Variants in EML1 observed in about 807,000 individuals in gnomAD.
EML1 encodes echinoderm microtubule-associated protein-like 1.
In EML1, 27 loss-of-function variants were observed where a neutral mutation model predicts 110.4. The ratio of observed to expected loss-of-function variants is 0.24; its 90% confidence interval spans 0.18 to 0.34. The LOEUF (loss-of-function observed/expected upper bound fraction) is 0.34, where lower values mean the gene tolerates loss of function less well. Ranked by LOEUF, EML1 falls within the 10% of genes least tolerant of loss-of-function variation. EML1 has a pLI of 1.00. For missense variants in EML1, 741 were observed against 1,030.9 expected (o/e 0.72, Z 3.85); for synonymous variants, 344 against 385.8 (o/e 0.89, Z 1.27).
intron 1 of EML1, chr14:99,838,941 G>A (rs866116851): frequency 3.3e-5 from 5 of 151,824 alleles, no homozygotes; most frequent in African/African-American, 7.2e-5. Context: ...GCGCGCGCGC[G>A]TGCATGTTTG....
rs536030370 is a variant in EML1, at chr14:99,911,510, G to A, written c.1428G>A (p.Ser476=). The A allele has an allele frequency of 1.2e-5, 20 of 1,612,722 alleles. No homozygotes were observed. Among genetic ancestry groups the A allele is most frequent in the South Asian group, 6.6e-5 (6 of 90,654 alleles). The change falls in exon 13 of 22, where the codon TCG becomes TCA. Residue 476 remains serine (S), a synonymous_variant. Coordinates refer to ENST00000262233, the MANE Select transcript of EML1 (RefSeq NM_004434.3). ...TGTTAAGAGATGGCACACTGGTGTC[G>A]GGAGGTGGGAAAGACCGAAAGCTCA... ...LCMLRDGTLV[S]GGGKDRKLIS...
chr14:99,876,577 C>T (rs985905169), intron 3 of EML1, among the ~76,000 whole-genome samples: 8 of 152,198 alleles, frequency 5.3e-5, no homozygotes, highest in South Asian at 2.1e-4. Context: ...CCTCCTCCCT[C>T]GGTGATTTCC....
chr14:99,849,667 C>T (rs571751071), intron 1 of EML1, among the ~76,000 whole-genome samples: 2 of 151,656 alleles, frequency 1.3e-5, no homozygotes, highest in African/African-American at 4.8e-5. Context: ...CCCACCTGAG[C>T]CTCCCAAGTA....
chr14:99,878,463 G>A, intron 3 of EML1, 22 bp from the exon 4 acceptor site: 2 of 1,596,836 alleles, frequency 1.3e-6, no homozygotes, highest in Non-Finnish European at 1.7e-6. Context: ...GGAGTTCACT[G>A]TCACTTCCAT....
chr14:99,769,038 C>G (rs2057395905), upstream of EML1, among the ~76,000 whole-genome samples: 1 of 152,042 alleles, frequency 6.6e-6, no homozygotes, highest in Non-Finnish European at 1.5e-5. Flanking sequence ...TTATTTTTGA[C>G]AGCAGTTTGG....
At chr14:99,758,880 G>A (rs982940639) in intron 1 of EML1, among the ~76,000 whole-genome samples, 8 of 152,168 alleles carry the variant, frequency 5.3e-5, no homozygotes, top group South Asian at 2.1e-4. Flanking sequence ...ATAAAACATC[G>A]GACTCTGGGT....
intron 4 of EML1, among the ~76,000 whole-genome samples, chr14:99,880,142 C>G (rs995449690): frequency 2.0e-5 from 3 of 152,160 alleles, no homozygotes; most frequent in Non-Finnish European, 2.9e-5. Flanking sequence ...CTAAACATGT[C>G]CATTTAAAAA....
chr14:99,933,788 G>A (rs1042661679), intron 17 of EML1, among the ~76,000 whole-genome samples: 2 of 152,210 alleles, frequency 1.3e-5, no homozygotes, highest in Admixed American at 1.3e-4. Context: ...CTAGCACATA[G>A]TAGGCTCTCA....
intron 8 of EML1, 77 bp downstream of exon 8, chr14:99,898,379 G>C (rs1311880813): frequency 7.3e-7 from 1 of 1,364,622 alleles, no homozygotes; most frequent in Non-Finnish European, 1.0e-6. Flanking sequence ...TTGTGCTGCT[G>C]AGTAAGGCTG....
intron 3 of EML1, among the ~76,000 whole-genome samples, chr14:99,867,405 C>A (rs1454039037): frequency 6.6e-6 from 1 of 152,144 alleles, no homozygotes; most frequent in Non-Finnish European, 1.5e-5. Flanking sequence ...ATTAAATCTG[C>A]ATATCACTTT....
At position 99,809,544 on chromosome 14, in the gene EML1, G is replaced by A. The variant is rs574690115; in HGVS notation, c.67+16001G>A. 5.7e-4 allele frequency: 246 copies of A among 433,256 alleles called. 1 individual carries two copies. The highest frequency in any genetic ancestry group is 8.2e-4 in the Non-Finnish European group (175 of 214,344). The allele number at this position is 433,256 out of a possible 1,614,324, so 26.8% of individuals were successfully genotyped here. ...GGTCGGCACCCTGGGAACCTCGGCC[G>A]TGCACTGCCAGCTTTCTGGGTCCAT... is the stretch of plus-strand genomic sequence containing the variant. On this transcript the variant is annotated intron_variant, in intron 1 of 21. Transcript: ENST00000262233.
At chr14:99,743,079 C>A (rs1284987896) in intron 1 of EML1, among the ~76,000 whole-genome samples, 1 of 152,158 alleles carries the variant, frequency 6.6e-6, no homozygotes, top group Non-Finnish European at 1.5e-5. Context: ...CCTCACGGCG[C>A]CCCTACGTTG....
intron 1 of EML1, among the ~76,000 whole-genome samples, chr14:99,746,507 G>T (rs1471951151): frequency 6.6e-6 from 1 of 152,168 alleles, no homozygotes; most frequent in Non-Finnish European, 1.5e-5. Flanking sequence ...AGGATGGGGT[G>T]GGGGCGGATG....
At chr14:99,902,224 A>G (rs775982147) in intron 9 of EML1, among the ~76,000 whole-genome samples, 6 of 152,188 alleles carry the variant, frequency 3.9e-5, no homozygotes, top group Non-Finnish European at 8.8e-5. Context: ...AAATAAACAA[A>G]ATTATCCCAA....
intron 1 of EML1, among the ~76,000 whole-genome samples, chr14:99,776,720 T>C (rs1050730044): frequency 2.0e-5 from 3 of 152,192 alleles, no homozygotes; most frequent in Non-Finnish European, 4.4e-5. Flanking sequence ...CGTAAGTGAA[T>C]TCCCCTCTTC....
rs183877341 is a variant in EML1, at chr14:99,750,229, G to A, written c.28+12369G>A. ...AATTCACGTTCCATGCTGGAATCCC[G>A]TGGGAGAAGAGCGGAGAGGCTCCCC... On this transcript the variant is annotated intron_variant, in intron 1 of 10. Coordinates refer to the EML1 transcript ENST00000554479. Among the ~76,000 whole-genome samples the A allele has an allele frequency of 4.2e-3, 635 of 152,326 alleles. 3 individuals carry two copies. Among genetic ancestry groups the A allele is most frequent in the African/African-American group, 0.014 (583 of 41,576 alleles).
chr14:99,748,783 C>T (rs1456713519), intron 1 of EML1, among the ~76,000 whole-genome samples: 2 of 152,196 alleles, frequency 1.3e-5, no homozygotes, highest in South Asian at 2.1e-4. Context: ...CCGTCGTCCA[C>T]GGAAAAATCC....
At chr14:99,776,229 G>A (rs1204971462) in intron 1 of EML1, among the ~76,000 whole-genome samples, 3 of 152,278 alleles carry the variant, frequency 2.0e-5, no homozygotes, top group East Asian at 3.9e-4. Flanking sequence ...GACCAGGTGC[G>A]GTGGCTCATG....
chr14:99,882,196 T>C (rs549744119), intron 4 of EML1, among the ~76,000 whole-genome samples: 9 of 152,316 alleles, frequency 5.9e-5, no homozygotes, highest in African/African-American at 2.2e-4. Context: ...AATACTACAT[T>C]TAAATAGAGA....
Sources: allele counts gnomAD v4.1 joint callset (sites outside exome capture counted in the v4.1 genomes callset), GRCh38; gene constraint gnomAD v4.1.1; transcripts MANE v1.5; gene names NCBI Gene and HGNC (gene_info 2026-07-23, HGNC 2026-07-21).